Variants in ZNF595 observed in about 807,000 individuals in gnomAD.
The protein encoded by ZNF595 is zinc finger protein 595.
A neutral mutation model predicts 19.4 loss-of-function variants in ZNF595; 9 were observed. That is an observed-to-expected ratio of 0.46 (90% confidence interval 0.28 to 0.81). The LOEUF is 0.81. Among genes scored for constraint, ZNF595 ranks in the 30% least tolerant of loss-of-function variants. ZNF595 has a pLI of 0.11. For synonymous variants in ZNF595, 255 were observed against 255.9 expected (o/e 1.00, Z 0.03); for missense variants, 729 against 736.0 (o/e 0.99, Z 0.11).
chr4:76,992 CT>C (rs1238883695), intron 3 of ZNF595, among the ~76,000 whole-genome samples: 1 of 152,072 alleles, frequency 6.6e-6, no homozygotes, highest in African/African-American at 2.4e-5. Context: ...TGTATTCCTT[CT>C]AAGATTGAGA....
intron 3 of ZNF595, among the ~76,000 whole-genome samples, chr4:72,996 G>C (rs1366150488): frequency 1.3e-5 from 2 of 152,194 alleles, no homozygotes; most frequent in Non-Finnish European, 2.9e-5. Context: ...ACTCTGGAAA[G>C]CTGAGGATCC....
intron 3 of ZNF595, among the ~76,000 whole-genome samples, chr4:79,047 A>C (rs979164029): frequency 2.0e-5 from 3 of 152,216 alleles, no homozygotes; most frequent in East Asian, 1.9e-4. Flanking sequence ...TTATTTTGCA[A>C]TGGATCTCTA....
rs367734137 is a variant in ZNF595 at position 85,821 on chromosome 4, G to T, written c.317G>T (p.Cys106Phe). ...HKLILKRYEK[C>F]GHENLQLRKG... ...CTTATACTGAAAAGATACGAGAAAT[G>T]TGGACATGAGAATTTACAATTAAGA... Residue 106 changes from cysteine to phenylalanine, a missense_variant, in exon 4 of 4, where the codon TGT becomes TTT. Around this residue, in one of 2 missense-constraint regions of ZNF595, gnomAD observed 729 missense variants for 675.3 expected, o/e 1.08. Transcript: ENST00000610261. 1 of 1,613,966 alleles carries T rather than the reference G, an allele frequency of 6.2e-7. No homozygotes were observed. Among genetic ancestry groups the T allele is most frequent in the Admixed American group, 1.7e-5 (1 of 60,002 alleles).
intron 3 of ZNF595, among the ~76,000 whole-genome samples, chr4:63,601 C>T (rs1581326892): frequency 6.6e-6 from 1 of 152,052 alleles, no homozygotes; most frequent in Admixed American, 6.6e-5. Context: ...AGTACAGTGG[C>T]ACAATCTCAG....
intron 3 of ZNF595, among the ~76,000 whole-genome samples, chr4:80,912 T>A (rs1415193006): frequency 6.6e-6 from 1 of 152,116 alleles, no homozygotes; most frequent in Non-Finnish European, 1.5e-5. Context: ...TTGCTGCACC[T>A]ATCAACCCAT....
intron 3 of ZNF595, among the ~76,000 whole-genome samples, chr4:76,788 C>T (rs1452815709): frequency 5.9e-5 from 9 of 152,134 alleles, no homozygotes; most frequent in Non-Finnish European, 1.0e-4. Context: ...TCCTATCTGG[C>T]TTGCATGGTT....
At chr4:85,661 T>A (rs1228866782) in intron 3 of ZNF595, 70 bp from the exon 4 acceptor site, 3 of 1,464,674 alleles carry the variant, frequency 2.0e-6, no homozygotes, top group Non-Finnish European at 2.7e-6. Flanking sequence ...ACATTTTCGA[T>A]ATTACATTCG....
chr4:86,574 T>C lies in ZNF595; in HGVS notation c.1070T>C (p.Ile357Thr). ...KAFNQSSSLI[I>T]HRSIHSEQKL... Reference sequence around the variant, plus strand: ...TTTAACCAATCCTCAAGTCTTATTATACACAGGAGCATTCATTCTGAACAA... The same window carrying C: ...TTTAACCAATCCTCAAGTCTTATTACACACAGGAGCATTCATTCTGAACAA... Residue 357 changes from isoleucine to threonine, a missense_variant, in exon 4 of 4, where the codon ATA becomes ACA. By Grantham distance (89) the Ile-to-Thr change is moderately conservative. Transcript: ENST00000610261. 1 of 1,611,814 alleles carries C rather than the reference T, an allele frequency of 6.2e-7. No individual in the cohort carries two copies. Among genetic ancestry groups the C allele is most frequent in the Non-Finnish European group, 8.5e-7 (1 of 1,179,360 alleles).
intron 3 of ZNF595, among the ~76,000 whole-genome samples, chr4:60,987 A>G (rs1712834805): frequency 6.6e-6 from 1 of 152,052 alleles, no homozygotes; most frequent in African/African-American, 2.4e-5. Flanking sequence ...TAAAATTATA[A>G]AATACACAAA....
chr4:87,504 G>T lies in ZNF595; in HGVS notation c.*53G>T. The T allele has an allele frequency of 7.1e-7, 1 of 1,402,912 alleles. No individual in the cohort carries two copies. Among genetic ancestry groups the T allele is most frequent in the Non-Finnish European group, 9.4e-7 (1 of 1,062,658 alleles). The allele number at this position is 1,402,912 out of a possible 1,614,324, so 86.9% of individuals were successfully genotyped here. A position where few individuals can be genotyped will look rare whatever the true frequency, so the allele number is the denominator to read the frequency against. On this transcript the variant is annotated 3_prime_UTR_variant, in exon 4 of 4. Transcript: ENST00000610261. ...AGTGTCTTTACACAGCAAATAAATTGGAGAATATTGCTCCCATATAAACTT... is the reference window on the plus strand; with the variant it reads ...AGTGTCTTTACACAGCAAATAAATTTGAGAATATTGCTCCCATATAAACTT...
intron 3 of ZNF595, 96 bp from the exon 4 acceptor site, chr4:85,635 C>T (rs61792225): frequency 0.17 from 229,687 of 1,342,688 alleles, 20,969 homozygotes; most frequent in Admixed American, 0.26. Flanking sequence ...TGCTATCTTA[C>T]TAATGCAGTT....
Position 85,919 on chromosome 4 carries a change from A to C in ZNF595, c.415A>C (p.Thr139Pro). The change falls in exon 4 of 4, where the codon ACT becomes CCT. Residue 139 changes from threonine (T) to proline (P), a missense_variant. This residue lies in a region of ZNF595 where 729 missense variants were observed against 675.3 expected (regional missense o/e 1.08). Coordinates refer to ENST00000610261, the MANE Select transcript of ZNF595 (RefSeq NM_182524.4). ...VNNGVYQCLS[T>P]TQSKIFQCNT... ...TAATGGAGTTTACCAGTGCTTGTCA[A>C]CTACCCAGAGCAAAATATTTCAATG... 6.2e-7 allele frequency: 1 copy of C among 1,613,944 alleles called. No individual in the cohort carries two copies. The highest frequency in any genetic ancestry group is 2.2e-5 in the East Asian group (1 of 44,856).
intron 3 of ZNF595, among the ~76,000 whole-genome samples, chr4:78,816 C>T (rs1322449127): frequency 6.6e-6 from 1 of 152,162 alleles, no homozygotes; most frequent in Non-Finnish European, 1.5e-5. Flanking sequence ...GCATCAGCCT[C>T]CTGAGTAGCT....
At chr4:81,762 T>C (rs1028734194) in intron 3 of ZNF595, among the ~76,000 whole-genome samples, 3 of 152,204 alleles carry the variant, frequency 2.0e-5, no homozygotes, top group African/African-American at 7.2e-5. Flanking sequence ...GCTTTAGATA[T>C]CTCATGTGAG....
In ZNF595 at chr4:87,497, A is replaced by G. The variant is rs572985376; in HGVS notation, c.*46A>G. 55 of 1,440,460 alleles carry G rather than the reference A, an allele frequency of 3.8e-5. No homozygotes were observed. The South Asian group carries it at 6.9e-4, about 18-fold the overall frequency. The allele number at this position is 1,440,460 out of a possible 1,614,324, so 89.2% of individuals were successfully genotyped here. A position where few individuals can be genotyped will look rare whatever the true frequency, so the allele number is the denominator to read the frequency against. On this transcript the variant is annotated 3_prime_UTR_variant, in exon 4 of 4. Transcript: ENST00000610261. ...TAATTCCAGTGTCTTTACACAGCAAATAAATTGGAGAATATTGCTCCCATA... is the reference window on the plus strand; with the variant it reads ...TAATTCCAGTGTCTTTACACAGCAAGTAAATTGGAGAATATTGCTCCCATA...
intron 3 of ZNF595, among the ~76,000 whole-genome samples, chr4:66,712 G>T (rs1186817490): frequency 1.3e-5 from 2 of 152,158 alleles, no homozygotes; most frequent in Admixed American, 6.5e-5. Flanking sequence ...TTCTCTTATT[G>T]TGTGGTTATA....
intron 3 of ZNF595, among the ~76,000 whole-genome samples, chr4:77,875 C>G (rs887937905): frequency 6.6e-5 from 10 of 152,114 alleles, no homozygotes; most frequent in Non-Finnish European, 1.5e-4. Flanking sequence ...TCAAAATGCT[C>G]TAACCTGGTC....
intron 1 of ZNF595, among the ~76,000 whole-genome samples, chr4:54,769 C>T (rs1581309138): frequency 6.6e-6 from 1 of 152,126 alleles, no homozygotes; most frequent in Non-Finnish European, 1.5e-5. Context: ...GCTTCCGGAC[C>T]ACCTGATCCT....
intron 3 of ZNF595, among the ~76,000 whole-genome samples, chr4:80,440 A>C (rs1429449126): frequency 6.6e-6 from 1 of 152,152 alleles, no homozygotes; most frequent in Admixed American, 6.5e-5. Flanking sequence ...GGAAAGAGAA[A>C]ATTTTATTTT....
Sources: allele counts gnomAD v4.1 joint callset (sites outside exome capture counted in the v4.1 genomes callset), GRCh38; gene constraint gnomAD v4.1.1; regional missense constraint gnomAD v4.1.1; transcripts MANE v1.5; gene names NCBI Gene and HGNC (gene_info 2026-07-23, HGNC 2026-07-21).